CADPS2: variants seen among roughly 807,000 people sequenced by gnomAD.
The protein encoded by CADPS2 is calcium dependent secretion activator 2.
In CADPS2, 93 loss-of-function variants were observed where a neutral mutation model predicts 172.5. That is an observed-to-expected ratio of 0.54 (90% CI 0.46 to 0.64). CADPS2 has a LOEUF of 0.64. Among genes scored for constraint, CADPS2 ranks in the 30% least tolerant of loss-of-function variants. CADPS2 has a pLI of 0.00. For synonymous variants in CADPS2, 546 were observed against 555.2 expected (o/e 0.98, Z 0.23); for missense variants, 1,420 against 1,565.9 (o/e 0.91, Z 1.57).
intron 2 of CADPS2, among the ~76,000 whole-genome samples, chr7:122,708,520 GATATATATATATATATAT>G (rs57522086): frequency 0.012 from 1,418 of 116,278 alleles, 19 homozygotes; most frequent in Admixed American, 0.024. Context: ...TTGTATTCGA[GATATATATATATATATAT>G]ATATATATAT....
intron 14 of CADPS2, among the ~76,000 whole-genome samples, chr7:122,467,176 G>C (rs1205991150): frequency 6.6e-6 from 1 of 152,158 alleles, no homozygotes; most frequent in Admixed American, 6.5e-5. Context: ...CATTACCTAA[G>C]GATAACCTTG....
chr7:122,818,551 C>A (rs923260622), intron 1 of CADPS2, among the ~76,000 whole-genome samples: 7 of 152,114 alleles, frequency 4.6e-5, no homozygotes, highest in African/African-American at 1.7e-4. Flanking sequence ...TCTTTCTAAT[C>A]TTCCTTTTCT....
intron 1 of CADPS2, among the ~76,000 whole-genome samples, chr7:122,774,230 C>T (rs1418497478): frequency 6.6e-6 from 1 of 150,696 alleles, no homozygotes; most frequent in Non-Finnish European, 1.5e-5. Context: ...ATTCAAGTCT[C>T]TTCAACAACA....
At chr7:122,593,280 C>T (rs901393595) in intron 6 of CADPS2, among the ~76,000 whole-genome samples, 1 of 151,934 alleles carries the variant, frequency 6.6e-6, no homozygotes, top group African/African-American at 2.4e-5. Flanking sequence ...CAAATTTATT[C>T]TACATAGTTT....
At chr7:122,588,489 C>T (rs187265153) in intron 6 of CADPS2, among the ~76,000 whole-genome samples, 74 of 151,406 alleles carry the variant, frequency 4.9e-4, no homozygotes, top group Admixed American at 1.1e-3. Context: ...AGGTTTGTCA[C>T]GATGAAATTT....
intron 25 of CADPS2, among the ~76,000 whole-genome samples, chr7:122,362,658 A>C (rs2040311591): frequency 6.6e-6 from 1 of 152,198 alleles, no homozygotes; most frequent in Non-Finnish European, 1.5e-5. Context: ...ATAGATTCCC[A>C]AAGGGAAAAT....
intron 9 of CADPS2, among the ~76,000 whole-genome samples, chr7:122,492,891 G>T (rs1165405686): frequency 1.3e-5 from 2 of 151,980 alleles, no homozygotes; most frequent in Admixed American, 1.3e-4. Flanking sequence ...TAGAGAAAAG[G>T]TCTCTGTCTG....
intron 20 of CADPS2, 74 bp from the exon 21 acceptor site, chr7:122,393,656 A>C: frequency 6.5e-7 from 1 of 1,528,620 alleles, no homozygotes; most frequent in Non-Finnish European, 9.0e-7. Flanking sequence ...GGCCAAAAAA[A>C]CACGTTTTCT....
chr7:122,878,362 A>G (rs1301399659), intron 1 of CADPS2, among the ~76,000 whole-genome samples: 2 of 151,110 alleles, frequency 1.3e-5, no homozygotes, highest in Non-Finnish European at 2.9e-5. Context: ...ATTAAAACGC[A>G]ATGTTGTCGG....
chr7:122,507,350 G>A (rs2059684095), intron 9 of CADPS2, among the ~76,000 whole-genome samples: 1 of 152,146 alleles, frequency 6.6e-6, no homozygotes, highest in South Asian at 2.1e-4. Flanking sequence ...TGGAAGAAAA[G>A]TAAGGGACTT....
intron 2 of CADPS2, among the ~76,000 whole-genome samples, chr7:122,724,472 T>C (rs1233087439): frequency 6.6e-6 from 1 of 152,006 alleles, no homozygotes; most frequent in Non-Finnish European, 1.5e-5. Flanking sequence ...AAGTGCTGAA[T>C]TGTGCAAAAC....
chr7:122,405,036 C>T (rs1445998346), intron 20 of CADPS2, among the ~76,000 whole-genome samples: 2 of 151,800 alleles, frequency 1.3e-5, no homozygotes, highest in East Asian at 1.9e-4. Context: ...GAGCCGAGAT[C>T]GCGTCATTGC....
intron 1 of CADPS2, among the ~76,000 whole-genome samples, chr7:122,777,569 C>T (rs1287204851): frequency 6.6e-6 from 1 of 152,082 alleles, no homozygotes; most frequent in East Asian, 1.9e-4. Context: ...TCTTATAATT[C>T]CCATGTGTCA....
intron 19 of CADPS2, among the ~76,000 whole-genome samples, chr7:122,413,471 G>A (rs1217555758): frequency 6.6e-6 from 1 of 152,152 alleles, no homozygotes; most frequent in Non-Finnish European, 1.5e-5. Flanking sequence ...AGAAATTGTT[G>A]AAGGATAGAA....
intron 12 of CADPS2, chr7:122,480,171 T>G (rs777144446): frequency 1.9e-5 from 9 of 467,858 alleles, no homozygotes; most frequent in African/African-American, 1.4e-4. Context: ...CCTTAGAATT[T>G]TTATATATCC....
chr7:122,617,971 A>G (rs1241107930), intron 5 of CADPS2, among the ~76,000 whole-genome samples: 1 of 150,948 alleles, frequency 6.6e-6, no homozygotes, highest in East Asian at 2.0e-4. Context: ...TTAACCTGGG[A>G]GGCGGAGGTT....
chr7:122,772,196 A>T (rs777083807), intron 1 of CADPS2, among the ~76,000 whole-genome samples: 4 of 152,216 alleles, frequency 2.6e-5, no homozygotes, highest in Non-Finnish European at 5.9e-5. Context: ...AAACATCCAC[A>T]TTTGGTGATT....
At chr7:122,691,586 T>C (rs140140123) in intron 2 of CADPS2, among the ~76,000 whole-genome samples, 1 of 152,334 alleles carries the variant, frequency 6.6e-6, no homozygotes, top group African/African-American at 2.4e-5. Context: ...GAGGTTCGCA[T>C]AACGTCATCA....
intron 1 of CADPS2, among the ~76,000 whole-genome samples, chr7:122,823,009 T>C (rs1803831312): frequency 6.6e-6 from 1 of 152,178 alleles, no homozygotes; most frequent in African/African-American, 2.4e-5. Context: ...AAATTTTCAC[T>C]AGGTGAGATG....
Sources: allele counts gnomAD v4.1 joint callset (sites outside exome capture counted in the v4.1 genomes callset), GRCh38; gene constraint gnomAD v4.1.1; transcripts MANE v1.5; gene names NCBI Gene and HGNC (gene_info 2026-07-23, HGNC 2026-07-21).